HEATR5B: variants seen among roughly 807,000 people sequenced by gnomAD.
The protein encoded by HEATR5B is HEAT repeat containing 5B.
In HEATR5B, 156 loss-of-function variants were observed where a neutral mutation model predicts 224.1. That is an observed-to-expected ratio of 0.70 (90% confidence interval 0.61 to 0.80). The LOEUF (loss-of-function observed/expected upper bound fraction) is 0.80. HEATR5B is among the 30% of genes least tolerant of loss of function. The pLI, the probability that HEATR5B is intolerant of heterozygous loss-of-function variation, is 0.00. For synonymous variants in HEATR5B, 1,027 were observed against 893.0 expected, an observed-to-expected ratio of 1.15 and a Z score of -2.68; for missense variants, 2,323 against 2,535.5, an observed-to-expected ratio of 0.92 and a Z score of 1.80.
At chr2:37,070,505 T>C (rs1671842176) in intron 6 of HEATR5B, 118 bp from the exon 7 acceptor site, 1 of 744,094 alleles carries the variant, frequency 1.3e-6, no homozygotes, top group Non-Finnish European at 2.0e-6. Context: ...TTTAGTTTCC[T>C]TATAATTGTT....
At chr2:37,082,594 G>A (rs1672657362) in intron 2 of HEATR5B, among the ~76,000 whole-genome samples, 1 of 152,310 alleles carries the variant, frequency 6.6e-6, no homozygotes, top group African/African-American at 2.4e-5. Flanking sequence ...TACCATGAGC[G>A]ATCTGCGCCT....
intron 33 of HEATR5B, among the ~76,000 whole-genome samples, chr2:36,994,255 T>C (rs1335890927): frequency 6.6e-6 from 1 of 152,194 alleles, no homozygotes; most frequent in Non-Finnish European, 1.5e-5. Flanking sequence ...CCTTATGTTA[T>C]TCTTGCAACG....
intron 18 of HEATR5B, among the ~76,000 whole-genome samples, chr2:37,042,422 A>G (rs1375099536): frequency 1.3e-5 from 2 of 152,250 alleles, no homozygotes; most frequent in Admixed American, 1.3e-4. Flanking sequence ...ATCAGTTTGA[A>G]AAGTGCCCCT....
chr2:37,014,679 T>A (rs192152809), intron 26 of HEATR5B, among the ~76,000 whole-genome samples: 2,542 of 138,400 alleles, frequency 0.018, 207 homozygotes, highest in Admixed American at 0.16. Context: ...AAGGGGACTT[T>A]AAAAAAAAAA....
At chr2:36,989,846 C>A (rs973691289) in intron 34 of HEATR5B, among the ~76,000 whole-genome samples, 2 of 150,840 alleles carry the variant, frequency 1.3e-5, no homozygotes, top group Non-Finnish European at 2.9e-5. Context: ...CTTGGAGCCA[C>A]CTATCTGGAG....
intron 12 of HEATR5B, 50 bp from the exon 13 acceptor site, chr2:37,059,037 G>T: frequency 9.0e-7 from 1 of 1,111,212 alleles, no homozygotes; most frequent in Non-Finnish European, 1.3e-6. Flanking sequence ...TTGTGAACAT[G>T]AATTAATTTA....
intron 15 of HEATR5B, 64 bp downstream of exon 15, chr2:37,057,253 C>A: frequency 1.6e-6 from 2 of 1,240,302 alleles, no homozygotes; most frequent in Non-Finnish European, 2.2e-6. Context: ...TTTTAAGTGA[C>A]AATGTGTAAT....
Position 37,064,928 on chromosome 2 carries a change from C to A in HEATR5B, c.1396G>T (p.Ala466Ser), listed in dbSNP as rs776240453. ...ACAGCCACACAGCGCAAACACCATGCAGCAGCAAGTCGGGCAGCCATGCTT... is the reference window on the plus strand; with the variant it reads ...ACAGCCACACAGCGCAAACACCATGAAGCAGCAAGTCGGGCAGCCATGCTT... Reference protein sequence around the residue: ...HPSMAARLAAAWCLRCVAVAL... With the variant: ...HPSMAARLAASWCLRCVAVAL... The change falls in exon 10 of 36, where the codon GCA becomes TCA. Residue 466 changes from alanine (A) to serine (S), a missense_variant. By Grantham distance (99) the Ala-to-Ser change is moderately conservative (BLOSUM62 1). Coordinates refer to ENST00000233099, the MANE Select transcript of HEATR5B (RefSeq NM_019024.3). 9 of 1,613,990 alleles carry A rather than the reference C, an allele frequency of 5.6e-6. No homozygotes were observed. The highest frequency in any genetic ancestry group is 1.7e-5 in the Admixed American group (1 of 59,982).
Position 37,008,794 on chromosome 2 carries a change from C to A in HEATR5B, c.4339G>T (p.Ala1447Ser). 6.2e-7 allele frequency: 1 copy of A among 1,614,006 alleles called. No individual in the cohort carries two copies. The highest frequency in any genetic ancestry group is 1.1e-5 in the South Asian group (1 of 91,076). Residue 1447 changes from alanine (A) to serine (S), a missense_variant, in exon 28 of 36, where the codon GCA becomes TCA. Physicochemically the swap from Ala to Ser is moderately conservative, Grantham distance 99 (BLOSUM62 1). Around this residue, in one of 12 missense-constraint regions of HEATR5B, gnomAD observed 844 missense variants for 812.9 expected, o/e 1.04. Transcript: ENST00000233099. ...KKEAESKPKR[A>S]IKNTDDDDDD... ...TCATCATCGTCAGTATTTTTAATTG[C>A]TCTTTTTGGTTTTGACTCTGCTTCC...
In HEATR5B at chr2:37,080,703, G is replaced by A. The variant is rs991343312; in HGVS notation, c.127-1372C>T. Among the ~76,000 whole-genome samples the A allele has an allele frequency of 7.9e-5, 12 of 151,930 alleles. No homozygotes were observed. The East Asian group carries it at 2.3e-3, about 29-fold the overall frequency. On this transcript the variant is annotated intron_variant, in intron 2 of 35. Coordinates refer to ENST00000233099, the MANE Select transcript of HEATR5B (RefSeq NM_019024.3). ...AAAGAGGTGGAGTAAACATTATCCT[G>A]GGAATCATTATTTTATAGATGATAG...
intron 27 of HEATR5B, among the ~76,000 whole-genome samples, chr2:37,013,079 GAAGT>G (rs1009933112): frequency 6.6e-6 from 1 of 152,248 alleles, no homozygotes; most frequent in Non-Finnish European, 1.5e-5. Flanking sequence ...CAGAGGGTGG[GAAGT>G]AAGGGAATGA....
Position 37,058,881 on chromosome 2 carries a change from T to C in HEATR5B, c.1949+7A>G. 6.5e-7 allele frequency: 1 copy of C among 1,544,448 alleles called. No individual in the cohort carries two copies. Among genetic ancestry groups the C allele is most frequent in the Non-Finnish European group, 8.9e-7 (1 of 1,120,204 alleles). ...AGGATGTGAACTTGTCTCAATCGCT[T>C]ACTTACTGTGACATCATAGTCATGG... On this transcript the variant is annotated splice_region_variant and intron_variant, in intron 13 of 35. Transcript: ENST00000233099.
At position 37,008,600 on chromosome 2, in the gene HEATR5B, GT is replaced by G. The variant is rs765230399; in HGVS notation, c.4522+10del. 17 of 1,568,842 alleles carry G rather than the reference GT, an allele frequency of 1.1e-5. No individual in the cohort carries two copies. The African/African-American group carries it at 2.2e-4, about 20-fold the overall frequency. On this transcript the variant is annotated intron_variant, in intron 28 of 35. Coordinates refer to ENST00000233099, the MANE Select transcript of HEATR5B (RefSeq NM_019024.3). Reference sequence around the variant, plus strand: ...ACTCCATAAAAGTAAAACTCAGAATGTAATACTCACCATCTGGAGGAAGCTG... The same window carrying G: ...ACTCCATAAAAGTAAAACTCAGAATGAATACTCACCATCTGGAGGAAGCTG...
intron 35 of HEATR5B, among the ~76,000 whole-genome samples, chr2:36,983,191 C>T (rs918701314): frequency 6.6e-6 from 1 of 152,094 alleles, no homozygotes; most frequent in African/African-American, 2.4e-5. Context: ...GGTAAATCCT[C>T]CAATCTTCTA....
chr2:37,078,996 T>G (rs945001929), intron 3 of HEATR5B, 124 bp downstream of exon 3: 1 of 588,628 alleles, frequency 1.7e-6, no homozygotes, highest in Non-Finnish European at 3.0e-6. Context: ...CTTAGAGCTC[T>G]CACTGTTAGC....
At chr2:37,063,285 G>A (rs1277447834) in intron 10 of HEATR5B, among the ~76,000 whole-genome samples, 4 of 152,152 alleles carry the variant, frequency 2.6e-5, no homozygotes, top group Non-Finnish European at 4.4e-5. Context: ...CTGAATAAGA[G>A]GGGAGATGAA....
In HEATR5B at chr2:36,989,899, C is replaced by CTTTTTTTTTT. The variant is rs766148486; in HGVS notation, c.5697+739_5697+748dup. Among the ~76,000 whole-genome samples the CTTTTTTTTTT allele has an allele frequency of 5.6e-5, 5 of 88,900 alleles. 1 individual carries two copies. Among genetic ancestry groups the CTTTTTTTTTT allele is most frequent in the Admixed American group, 1.5e-4 (1 of 6,766 alleles). 58.3% of individuals were successfully genotyped at this position (88,900 alleles called of 152,430 possible). On this transcript the variant is annotated intron_variant, in intron 34 of 35. Transcript: ENST00000233099. The stretch of plus-strand genomic sequence containing the variant: ...CAGTACTGGAATCCAAGAATGTTTC[C>CTTTTTTTTTT]TTTTTTTTTTTTTTTTTTTTTTTTG...
At chr2:37,045,898 T>C (rs563490262) in intron 18 of HEATR5B, among the ~76,000 whole-genome samples, 1 of 152,368 alleles carries the variant, frequency 6.6e-6, no homozygotes, top group South Asian at 2.1e-4. Context: ...GTCTCAAAAC[T>C]GTTGTTTCAT....
intron 24 of HEATR5B, among the ~76,000 whole-genome samples, chr2:37,027,578 T>C (rs1284151597): frequency 6.6e-6 from 1 of 152,196 alleles, no homozygotes; most frequent in Non-Finnish European, 1.5e-5. Context: ...TTATATGCCT[T>C]AAAATTTTAC....
Sources: gnomAD v4.1 joint callset for allele counts (sites outside exome capture counted in the v4.1 genomes callset) on GRCh38, gnomAD v4.1.1 for gene constraint, gnomAD v4.1.1 regional missense constraint, MANE v1.5 for transcripts, NCBI Gene and HGNC (gene_info 2026-07-23, HGNC 2026-07-21) for gene names.